OPN5: variants seen among roughly 807,000 people sequenced by gnomAD.
The protein encoded by OPN5 is opsin-5.
Under a neutral mutation model 41.7 loss-of-function variants are expected in OPN5, and 18 were observed. That is an observed-to-expected ratio of 0.43 (90% CI 0.30 to 0.64). The LOEUF (loss-of-function observed/expected upper bound fraction) is 0.64, where lower values mean the gene tolerates loss of function less well. Among genes scored for constraint, OPN5 ranks in the 30% least tolerant of loss-of-function variants. OPN5 has a pLI of 0.13. For missense variants in OPN5, 318 were observed against 434.5 expected (o/e 0.73, Z 2.38); for synonymous variants, 178 against 164.3 (o/e 1.08, Z -0.64).
intron 6 of OPN5, 103 bp downstream of exon 6, chr6:47,811,834 A>C: frequency 1.5e-6 from 1 of 666,558 alleles, no homozygotes; most frequent in South Asian, 2.4e-5. Flanking sequence ...TCTTTATATT[A>C]TATTTTTATA....
At chr6:47,817,238 A>G (rs895447765) in intron 6 of OPN5, among the ~76,000 whole-genome samples, 3 of 152,060 alleles carry the variant, frequency 2.0e-5, no homozygotes, top group Non-Finnish European at 4.4e-5. Context: ...AGCTTTCATG[A>G]AAGGGTTGAG....
rs570698214 is a variant in OPN5, at chr6:47,792,121, T to A, written c.421+149T>A. ...CTATTTATAGCCTATCATCTTGTTC[T>A]GACATGTTTAAGGATTTTAACCTAT... On this transcript the variant is annotated intron_variant, in intron 3 of 6. Transcript: ENST00000371211. 14 of 616,552 alleles carry A rather than the reference T, an allele frequency of 2.3e-5. No homozygotes were observed. In the South Asian group the frequency reaches 2.3e-4, roughly 10 times the overall value. The allele number at this position is 616,552 out of a possible 1,614,324, so 38.2% of individuals were successfully genotyped here. A position where few individuals can be genotyped will look rare whatever the true frequency, so the allele number is the denominator to read the frequency against.
intron 2 of OPN5, 92 bp from the exon 3 acceptor site, chr6:47,791,710 C>T (rs9463355): frequency 0.14 from 145,205 of 1,001,742 alleles, 11,214 homozygotes; most frequent in Middle Eastern, 0.17. Context: ...CATGTGTCCC[C>T]GTGCTTTAGG....
At chr6:47,818,774 G>A (rs1160010956) in intron 6 of OPN5, among the ~76,000 whole-genome samples, 1 of 152,170 alleles carries the variant, frequency 6.6e-6, no homozygotes, top group Non-Finnish European at 1.5e-5. Flanking sequence ...GGTCAGCTGG[G>A]AGCTGGGAAA....
chr6:47,821,850 C>T (rs1762633372), intron 6 of OPN5, among the ~76,000 whole-genome samples: 1 of 152,106 alleles, frequency 6.6e-6, no homozygotes, highest in African/African-American at 2.4e-5. Flanking sequence ...CATGGTGGCT[C>T]ATACCTGTAA....
intron 1 of OPN5, among the ~76,000 whole-genome samples, chr6:47,782,493 A>C (rs1773113260): frequency 6.6e-6 from 1 of 152,208 alleles, no homozygotes; most frequent in East Asian, 1.9e-4. Flanking sequence ...TCTGAATACC[A>C]AAATTAATGA....
downstream of OPN5, chr6:47,825,272 G>A (rs1412135815): frequency 6.6e-6 from 1 of 152,192 alleles, no homozygotes; most frequent in African/African-American, 2.4e-5. Context: ...ATGCAAATAT[G>A]CAAGTACCTT....
chr6:47,808,102 A>C, intron 4 of OPN5, 52 bp from the exon 5 acceptor site: 1 of 1,601,328 alleles, frequency 6.2e-7, no homozygotes, highest in Non-Finnish European at 8.6e-7. Context: ...TTTCAGACTC[A>C]TGTCCTTTAT....
intron 6 of OPN5, among the ~76,000 whole-genome samples, chr6:47,815,664 G>A (rs17552978): frequency 0.12 from 18,741 of 152,044 alleles, 1,307 homozygotes; most frequent in Middle Eastern, 0.16. Flanking sequence ...TGGGGCAAAA[G>A]GCAAGAAATA....
rs1397540094 is a variant in OPN5, at chr6:47,815,987, G to A, written c.1056+4256G>A. 4.6e-5 allele frequency among the ~76,000 whole-genome samples: 7 copies of A among 152,048 alleles called. No homozygotes were observed. In the South Asian group the frequency reaches 6.2e-4, roughly 13 times the overall value. ...ACAAATATACCCTCACATGCACCACGAGGTCTGAAATAGACAGGCAACTAT... is the reference window on the plus strand; with the variant it reads ...ACAAATATACCCTCACATGCACCACAAGGTCTGAAATAGACAGGCAACTAT... On this transcript the variant is annotated intron_variant, in intron 6 of 6. Coordinates refer to ENST00000371211, the Ensembl canonical transcript of OPN5.
intron 6 of OPN5, among the ~76,000 whole-genome samples, chr6:47,816,859 T>C (rs1762441993): frequency 6.6e-6 from 1 of 152,144 alleles, no homozygotes; most frequent in South Asian, 2.1e-4. Context: ...AGGAAACTAT[T>C]GTTATCATCA....
intron 3 of OPN5, among the ~76,000 whole-genome samples, chr6:47,792,574 A>C (rs1773411830): frequency 6.6e-6 from 1 of 152,192 alleles, no homozygotes; most frequent in Non-Finnish European, 1.5e-5. Context: ...CCAGGGACTA[A>C]ATATATGTTT....
chr6:47,795,674 C>G lies in OPN5; in HGVS notation c.756+111C>G, dbSNP rs118050887. 2.4e-3 allele frequency: 1,775 copies of G among 726,942 alleles called. 42 individuals carry two copies. The East Asian group carries it at 0.043, about 18-fold the overall frequency. The allele number at this position is 726,942 out of a possible 1,614,324, so 45.0% of individuals were successfully genotyped here. A position where few individuals can be genotyped will look rare whatever the true frequency, so the allele number is the denominator to read the frequency against. ...GAGAACTTAGAATCTCTATTCTTTA[C>G]GTAATTCTGAACTTCGTTGATGATT... is the stretch of plus-strand genomic sequence containing the variant. On this transcript the variant is annotated intron_variant, in intron 4 of 6. Transcript: ENST00000371211.
intron 6 of OPN5, 63 bp downstream of exon 6, chr6:47,811,794 T>G (rs943957174): frequency 2.0e-6 from 2 of 1,005,602 alleles, no homozygotes; most frequent in Non-Finnish European, 3.1e-6. Flanking sequence ...TCTTCACTGC[T>G]GTAAACATTT....
In OPN5 at chr6:47,815,929, C is replaced by G. The variant is rs141451335; in HGVS notation, c.1056+4198C>G. Among the ~76,000 whole-genome samples the G allele has an allele frequency of 2.6e-5, 4 of 152,234 alleles. No homozygotes were observed. The East Asian group carries it at 7.7e-4, about 29-fold the overall frequency. ...AACCATTATCATTGAAACTGCTTTT[C>G]TCAATTACTTTGAACCCTCTTTCCT... is the stretch of plus-strand genomic sequence containing the variant. On this transcript the variant is annotated intron_variant, in intron 6 of 6. Coordinates refer to ENST00000371211, the Ensembl canonical transcript of OPN5.
intron 2 of OPN5, among the ~76,000 whole-genome samples, chr6:47,790,988 A>T (rs1177225300): frequency 6.6e-6 from 1 of 152,228 alleles, no homozygotes; most frequent in Non-Finnish European, 1.5e-5. Flanking sequence ...CTCATGCCTT[A>T]TACAGGTTCT....
At chr6:47,793,462 C>T (rs959173329) in intron 3 of OPN5, among the ~76,000 whole-genome samples, 3 of 152,130 alleles carry the variant, frequency 2.0e-5, no homozygotes, top group Non-Finnish European at 2.9e-5. Flanking sequence ...ATTAGAAGGT[C>T]GCTTGGGGAT....
intron 3 of OPN5, among the ~76,000 whole-genome samples, chr6:47,792,660 A>T (rs1405486361): frequency 6.6e-6 from 1 of 152,232 alleles, no homozygotes; most frequent in Non-Finnish European, 1.5e-5. Flanking sequence ...GGAATTTATC[A>T]AACCTGAAAG....
At position 47,811,563 on chromosome 6, in the gene OPN5, A is replaced by G. The variant is rs142235474; in HGVS notation, c.999-111A>G. 6.9e-4 allele frequency: 352 copies of G among 510,806 alleles called. 2 individuals are homozygous for G. The highest frequency in any genetic ancestry group is 6.5e-3 in the African/African-American group (331 of 50,908). 31.6% of individuals were successfully genotyped at this position (510,806 alleles called of 1,614,324 possible). On this transcript the variant is annotated intron_variant, in intron 5 of 6. Transcript: ENST00000371211. ...TGTTGCTAATTCAAGATTTGTGCAC[A>G]TAATCCTCATAGTAGTCGTTTGACA...
Sources: allele counts gnomAD v4.1 joint callset (sites outside exome capture counted in the v4.1 genomes callset), GRCh38; gene constraint gnomAD v4.1.1; transcripts MANE v1.5; gene names NCBI Gene and HGNC (gene_info 2026-07-23, HGNC 2026-07-21).